Variants in UMODL1 observed in about 807,000 individuals in gnomAD.
The protein encoded by UMODL1 is uromodulin like 1.
A neutral mutation model predicts 136.3 loss-of-function variants in UMODL1; 128 were observed. The ratio of observed to expected loss-of-function variants is 0.94; its 90% confidence interval spans 0.81 to 1.09. The LOEUF is 1.09. Among genes scored for constraint, UMODL1 ranks in the 50% least tolerant of loss-of-function variants. UMODL1 has a pLI of 0.00. For synonymous variants in UMODL1, 721 were observed against 720.0 expected (o/e 1.00, Z -0.02); for missense variants, 1,766 against 1,725.6 (o/e 1.02, Z -0.41).
chr21:42,077,766 A>G (rs893082320), intron 2 of UMODL1, among the ~76,000 whole-genome samples: 1 of 152,236 alleles, frequency 6.6e-6, no homozygotes, highest in Admixed American at 6.5e-5. Context: ...GGGAGAGTCC[A>G]TTCAGGTGGA....
intron 6 of UMODL1, among the ~76,000 whole-genome samples, chr21:42,095,991 C>A (rs1472432134): frequency 1.3e-5 from 2 of 152,150 alleles, no homozygotes; most frequent in Non-Finnish European, 2.9e-5. Context: ...TAGCTCCCTG[C>A]AAGTTCCTAC....
In UMODL1 at chr21:42,102,152, ACTGT is replaced by A. The variant is rs746003856; in HGVS notation, c.1187-7_1187-4del. ...TTTTGACCACAGGCTAATTTGTTTC[ACTGT>A]CTGTCTCAGATGCCCAGGTATTTGA... On this transcript the variant is annotated splice_polypyrimidine_tract_variant and intron_variant, in intron 7 of 22. Coordinates refer to ENST00000408910, the MANE Select transcript of UMODL1 (RefSeq NM_001004416.3). 2.5e-6 allele frequency: 4 copies of A among 1,594,360 alleles called. No homozygotes were observed. The highest frequency in any genetic ancestry group is 3.4e-6 in the Non-Finnish European group (4 of 1,164,484).
Position 42,104,100 on chromosome 21 carries a change from C to T in UMODL1, c.1519+13C>T, listed in dbSNP as rs370015222. Reference sequence around the variant, plus strand: ...ACACGCGTGCAAGGTATGGCCCAGCCACCCGCCCTGCTGCCTGGTGTCCTC... The same window carrying T: ...ACACGCGTGCAAGGTATGGCCCAGCTACCCGCCCTGCTGCCTGGTGTCCTC... On this transcript the variant is annotated intron_variant, in intron 9 of 22. Transcript: ENST00000408910. 3 of 1,596,782 alleles carry T rather than the reference C, an allele frequency of 1.9e-6. No homozygotes were observed. Among genetic ancestry groups the T allele is most frequent in the Non-Finnish European group, 2.6e-6 (3 of 1,168,222 alleles).
At chr21:42,116,346 C>G (rs988837899) in intron 14 of UMODL1, among the ~76,000 whole-genome samples, 1 of 150,624 alleles carries the variant, frequency 6.6e-6, no homozygotes, top group Non-Finnish European at 1.5e-5. Flanking sequence ...AGAGTGAAAC[C>G]CTGTGGGAAA....
intron 1 of UMODL1, among the ~76,000 whole-genome samples, chr21:42,075,135 T>C (rs1407798662): frequency 6.6e-6 from 1 of 152,160 alleles, no homozygotes; most frequent in African/African-American, 2.4e-5. Context: ...CCTGACCTCG[T>C]GATCCGCCCA....
intron 11 of UMODL1, 116 bp downstream of exon 11, chr21:42,111,237 G>A (rs1470192703): frequency 1.3e-6 from 2 of 1,524,804 alleles, no homozygotes; most frequent in Non-Finnish European, 1.8e-6. Context: ...AGCCAGGCGA[G>A]CCCCAGCCAG....
chr21:42,124,154 G>A (rs556579251), intron 17 of UMODL1, among the ~76,000 whole-genome samples: 1 of 152,320 alleles, frequency 6.6e-6, no homozygotes, highest in Admixed American at 6.5e-5. Context: ...GCCCTTGTTC[G>A]TCTCCAACCC....
chr21:42,120,416 C>T (rs1182929729), intron 15 of UMODL1: 5 of 152,208 alleles, frequency 3.3e-5, no homozygotes, highest in Admixed American at 3.3e-4. Flanking sequence ...ACTTTAAAAG[C>T]CAAAGAGTTG....
rs972285099 is a variant in UMODL1 at position 42,135,057 on chromosome 21, C to T, written c.3776-2382C>T. Among the ~76,000 whole-genome samples the T allele has an allele frequency of 7.2e-5, 11 of 152,350 alleles. No individual in the cohort carries two copies. The South Asian group carries it at 1.0e-3, about 14-fold the overall frequency. ...GGTTTTAAGCCTCACATGCCTTCTTCCCTTTCCCTCACTGGGTTATATCCC... is the reference window on the plus strand; with the variant it reads ...GGTTTTAAGCCTCACATGCCTTCTTTCCTTTCCCTCACTGGGTTATATCCC... On this transcript the variant is annotated intron_variant, in intron 21 of 22. Transcript: ENST00000408910.
chr21:42,097,410 G>A (rs1223404912), intron 6 of UMODL1, among the ~76,000 whole-genome samples: 1 of 152,204 alleles, frequency 6.6e-6, no homozygotes, highest in African/African-American at 2.4e-5. Flanking sequence ...TTGGAAGGAG[G>A]AGACAGCAGG....
intron 1 of UMODL1, 125 bp downstream of exon 1, chr21:42,071,517 T>A: frequency 1.0e-6 from 1 of 1,001,974 alleles, no homozygotes; most frequent in African/African-American, 1.7e-5. Context: ...AGAGGCGACA[T>A]CTGTTCTTTT....
chr21:42,119,262 T>G lies in UMODL1; in HGVS notation c.2627T>G (p.Phe876Cys). 2 of 1,614,230 alleles carry G rather than the reference T, an allele frequency of 1.2e-6. No homozygotes were observed. The highest frequency in any genetic ancestry group is 1.7e-6 in the Non-Finnish European group (2 of 1,180,020). Residue 876 changes from phenylalanine to cysteine, a missense_variant, in exon 15 of 23, where the codon TTT becomes TGT. Phe to Cys is a radical substitution (Grantham distance 205). Coordinates refer to ENST00000408910, the MANE Select transcript of UMODL1 (RefSeq NM_001004416.3). ...DVDVQEVSAA[F>C]LTAFQTVPLL... Reference sequence around the variant, plus strand: ...GATGTCCAGGAGGTGTCAGCTGCATTTCTCACCGCCTTCCAGACCGTGCCT... The same window carrying G: ...GATGTCCAGGAGGTGTCAGCTGCATGTCTCACCGCCTTCCAGACCGTGCCT...
intron 7 of UMODL1, among the ~76,000 whole-genome samples, chr21:42,100,213 A>C (rs556578026): frequency 1.4e-4 from 22 of 152,310 alleles, no homozygotes; most frequent in Admixed American, 9.8e-4. Context: ...CCTGACGTAG[A>C]GCCAGTGGGA....
rs1601292193 is a variant in UMODL1 at position 42,138,359 on chromosome 21, T to C, written c.*21+718T>C. Among the ~76,000 whole-genome samples, 4 of 152,262 alleles carry C rather than the reference T, an allele frequency of 2.6e-5. No homozygotes were observed. In the East Asian group the frequency reaches 5.8e-4, roughly 22 times the overall value. On this transcript the variant is annotated intron_variant, in intron 22 of 22. Coordinates refer to ENST00000408910, the MANE Select transcript of UMODL1 (RefSeq NM_001004416.3). ...GTCACGTGTGGTGTGGATGCCACAGTGGACCCCCCACACCTTGCTGCTCAT... is the reference window on the plus strand; with the variant it reads ...GTCACGTGTGGTGTGGATGCCACAGCGGACCCCCCACACCTTGCTGCTCAT...
chr21:42,133,298 C>T (rs939322022), intron 21 of UMODL1, among the ~76,000 whole-genome samples: 1 of 152,232 alleles, frequency 6.6e-6, no homozygotes, highest in Admixed American at 6.5e-5. Context: ...CTGCCATCAC[C>T]ATCACCTCCG....
intron 1 of UMODL1, among the ~76,000 whole-genome samples, chr21:42,065,299 C>T (rs564124845): frequency 5.8e-4 from 89 of 152,180 alleles, no homozygotes; most frequent in African/African-American, 1.6e-3. Flanking sequence ...GCAGTTATTG[C>T]GTTTCAGTTC....
chr21:42,140,977 A>G (rs1337295392), intron 22 of UMODL1, among the ~76,000 whole-genome samples: 2 of 152,228 alleles, frequency 1.3e-5, no homozygotes, highest in Non-Finnish European at 2.9e-5. Flanking sequence ...CATCCTGGGC[A>G]GGAGACATTG....
At chr21:42,127,388 C>T in intron 19 of UMODL1, 146 bp downstream of exon 19, 1 of 850,382 alleles carries the variant, frequency 1.2e-6, no homozygotes. Flanking sequence ...GCAGGCACCC[C>T]TGTCCAGCAA....
In UMODL1 at chr21:42,076,096, G is replaced by A. The variant is rs373713727; in HGVS notation, c.168G>A (p.Thr56=). The A allele has an allele frequency of 3.0e-5, 48 of 1,614,232 alleles. No homozygotes were observed. In the South Asian group the frequency reaches 4.0e-4, roughly 13 times the overall value. ...TGGAGGCCGTGCAGACGTCCTACAC[G>A]TCCTATGTGTCCTGCGGCGGCTGGA... ...QKVEAVQTSY[T]SYVSCGGWIP... Residue 56 remains threonine, a synonymous_variant, in exon 2 of 23, where the codon ACG becomes ACA. Coordinates refer to ENST00000408910, the MANE Select transcript of UMODL1 (RefSeq NM_001004416.3).
Sources: allele counts gnomAD v4.1 joint callset (sites outside exome capture counted in the v4.1 genomes callset), GRCh38; gene constraint gnomAD v4.1.1; transcripts MANE v1.5; gene names NCBI Gene and HGNC (gene_info 2026-07-23, HGNC 2026-07-21).